Variants in HIBADH observed in about 807,000 individuals in gnomAD.
HIBADH encodes the protein 3-hydroxyisobutyrate dehydrogenase, mitochondrial.
In HIBADH, 25 loss-of-function variants were observed where a neutral mutation model predicts 36.1. The ratio of observed to expected loss-of-function variants is 0.69; its 90% CI spans 0.50 to 0.97. HIBADH has a LOEUF of 0.97. Among genes scored for constraint, HIBADH ranks in the 50% least tolerant of loss-of-function variants. The pLI, the probability that HIBADH is intolerant of heterozygous loss-of-function variation, is 0.00. For missense variants in HIBADH, 421 were observed against 418.0 expected (o/e 1.01, Z -0.06); for synonymous variants, 160 against 149.5 (o/e 1.07, Z -0.51).
At chr7:27,532,403 CTG>C (rs1784015199) in intron 6 of HIBADH, among the ~76,000 whole-genome samples, 1 of 152,180 alleles carries the variant, frequency 6.6e-6, no homozygotes, top group Non-Finnish European at 1.5e-5. Flanking sequence ...GTTAAACAAA[CTG>C]TGCATCTTGG....
intron 7 of HIBADH, among the ~76,000 whole-genome samples, chr7:27,526,899 G>A (rs1562609453): frequency 6.6e-6 from 1 of 152,078 alleles, no homozygotes; most frequent in African/African-American, 2.4e-5. Flanking sequence ...TGGTATAATT[G>A]GATAGGAGGA....
intron 4 of HIBADH, among the ~76,000 whole-genome samples, chr7:27,605,354 C>T (rs1785200369): frequency 6.6e-6 from 1 of 151,788 alleles, no homozygotes; most frequent in South Asian, 2.1e-4. Flanking sequence ...ACATGAACTG[C>T]CTAATGAATC....
chr7:27,526,321 G>A lies in HIBADH; in HGVS notation c.904C>T (p.Leu302Phe), dbSNP rs189054439. Reference sequence around the variant, plus strand: ...TAGATCTGATGGGCCAGACTGCCAAGAAGGATTGGGCTCTTTGTGCTGGTA... The same window carrying A: ...TAGATCTGATGGGCCAGACTGCCAAAAAGGATTGGGCTCTTTGTGCTGGTA... The part of the protein sequence containing the change: ...SATSTKSPIL[L>F]GSLAHQIYRM... Residue 302 changes from leucine to phenylalanine, a missense_variant, in exon 8 of 8, where the codon CTT becomes TTT. Transcript: ENST00000265395. The A allele has an allele frequency of 2.8e-5, 45 of 1,613,470 alleles. No homozygotes were observed. Among genetic ancestry groups the A allele is most frequent in the Non-Finnish European group, 3.6e-5 (43 of 1,179,800 alleles).
At chr7:27,536,412 GTATA>G (rs1784071254) in intron 6 of HIBADH, among the ~76,000 whole-genome samples, 1 of 152,076 alleles carries the variant, frequency 6.6e-6, no homozygotes, top group African/African-American at 2.4e-5. Context: ...ATATATATCA[GTATA>G]TATGTAGAGT....
At chr7:27,644,436 C>T (rs921924590) in intron 2 of HIBADH, among the ~76,000 whole-genome samples, 2 of 152,028 alleles carry the variant, frequency 1.3e-5, no homozygotes, top group African/African-American at 4.8e-5. Flanking sequence ...CCCATCTCTA[C>T]TAAAAATACA....
rs1419915203 is a variant in HIBADH, at chr7:27,572,863, A to AAT, written c.485-29764_485-29763insAT. On this transcript the variant is annotated intron_variant, in intron 4 of 7. Transcript: ENST00000265395. Reference sequence around the variant, plus strand: ...CAGACTATTACTGCATTATAAAATTAACTTTAATACACAAAATATTGTCAT... The same window carrying AAT: ...CAGACTATTACTGCATTATAAAATTAATACTTTAATACACAAAATATTGTCAT... Among the ~76,000 whole-genome samples, 38 of 152,358 alleles carry AAT rather than the reference A, an allele frequency of 2.5e-4. No individual in the cohort carries two copies. The East Asian group carries it at 6.9e-3, about 28-fold the overall frequency.
At chr7:27,625,994 C>T (rs1170972306) in intron 4 of HIBADH, among the ~76,000 whole-genome samples, 1 of 146,546 alleles carries the variant, frequency 6.8e-6, no homozygotes, top group Admixed American at 7.0e-5. Flanking sequence ...CTCAGCTACT[C>T]GGGAGGCTGA....
chr7:27,556,919 G>C (rs1405115004), intron 4 of HIBADH, among the ~76,000 whole-genome samples: 1 of 152,136 alleles, frequency 6.6e-6, no homozygotes, highest in Non-Finnish European at 1.5e-5. Context: ...GGATAGAAGA[G>C]GATAGAGCCT....
intron 4 of HIBADH, among the ~76,000 whole-genome samples, chr7:27,608,754 C>T (rs767653809): frequency 2.0e-5 from 3 of 152,140 alleles, no homozygotes; most frequent in African/African-American, 4.8e-5. Context: ...GATTTATTTG[C>T]TAAATTCACC....
intron 6 of HIBADH, among the ~76,000 whole-genome samples, chr7:27,536,867 A>G (rs1342354403): frequency 6.6e-6 from 1 of 152,214 alleles, no homozygotes; most frequent in African/African-American, 2.4e-5. Context: ...GTAGTACAGT[A>G]TAACCTAGGT....
At chr7:27,568,468 T>G (rs1784580026) in intron 4 of HIBADH, among the ~76,000 whole-genome samples, 1 of 152,062 alleles carries the variant, frequency 6.6e-6, no homozygotes. Flanking sequence ...AGCCTTTTAT[T>G]TTTTTGAGAC....
In HIBADH at chr7:27,641,091, C is replaced by T. The variant is rs547438189; in HGVS notation, c.252+8382G>A. ...GATGGAGAAAAGCAGACTCCAGAAGCAAAGAGAAAAGAAAAGAATCTGGCT... is the reference window on the plus strand; with the variant it reads ...GATGGAGAAAAGCAGACTCCAGAAGTAAAGAGAAAAGAAAAGAATCTGGCT... On this transcript the variant is annotated intron_variant, in intron 2 of 7. Transcript: ENST00000265395. 2.6e-5 allele frequency among the ~76,000 whole-genome samples: 4 copies of T among 152,176 alleles called. No homozygotes were observed. In the East Asian group the frequency reaches 7.7e-4, roughly 29 times the overall value.
In HIBADH at chr7:27,650,649, T is replaced by C. The variant is rs1786170505; in HGVS notation, c.92-1016A>G. On this transcript the variant is annotated intron_variant, in intron 1 of 7. Coordinates refer to ENST00000265395, the MANE Select transcript of HIBADH (RefSeq NM_152740.4). Reference sequence around the variant, plus strand: ...CTGGGATCACAGACACGCACCACCATGCCTGGCTAATTTTTGTCCTTTTAA... The same window carrying C: ...CTGGGATCACAGACACGCACCACCACGCCTGGCTAATTTTTGTCCTTTTAA... 2.0e-5 allele frequency among the ~76,000 whole-genome samples: 3 copies of C among 149,514 alleles called. No homozygotes were observed. The South Asian group carries it at 6.3e-4, about 32-fold the overall frequency.
intron 4 of HIBADH, among the ~76,000 whole-genome samples, chr7:27,613,514 G>C (rs1033645190): frequency 1.3e-5 from 2 of 151,746 alleles, no homozygotes; most frequent in African/African-American, 4.8e-5. Context: ...GTTCCCCCCA[G>C]GTTGTTGCTG....
In HIBADH at chr7:27,649,460, G is replaced by A; in HGVS notation, c.252+13C>T. On this transcript the variant is annotated intron_variant, in intron 2 of 7. Coordinates refer to ENST00000265395, the MANE Select transcript of HIBADH (RefSeq NM_152740.4). ...TCTCAAAATCTAAAACAAATCTAAA[G>A]AAAAGGTCTTACCTGTTCACCTGCA... The A allele has an allele frequency of 6.4e-7, 1 of 1,563,682 alleles. No homozygotes were observed. Among genetic ancestry groups the A allele is most frequent in the Non-Finnish European group, 8.7e-7 (1 of 1,154,546 alleles).
chr7:27,580,846 G>C (rs1784776937), intron 4 of HIBADH, among the ~76,000 whole-genome samples: 1 of 152,192 alleles, frequency 6.6e-6, no homozygotes, highest in Admixed American at 6.5e-5. Flanking sequence ...GAAGGTAAGA[G>C]AGGTGGAGAT....
At chr7:27,619,227 G>C (rs1785493644) in intron 4 of HIBADH, among the ~76,000 whole-genome samples, 1 of 152,176 alleles carries the variant, frequency 6.6e-6, no homozygotes, top group Non-Finnish European at 1.5e-5. Flanking sequence ...AAACCATGCA[G>C]TGACTATAAT....
In HIBADH at chr7:27,526,246, A is replaced by G; in HGVS notation, c.979T>C (p.Phe327Leu). The G allele has an allele frequency of 6.2e-7, 1 of 1,612,364 alleles. No homozygotes were observed. Among genetic ancestry groups the G allele is most frequent in the Non-Finnish European group, 8.5e-7 (1 of 1,179,328 alleles). ...GYSKKDFSSVFQFLREEETF is the reference protein window; with the variant it reads ...GYSKKDFSSVLQFLREEETF ...GTCTCCTCCTCTCGTAGGAACTGGA[A>G]CACGGATGAGAAGTCTTTCTTTGAG... Residue 327 changes from phenylalanine (F) to leucine (L), a missense_variant, in exon 8 of 8, where the codon TTC (phenylalanine) becomes CTC (leucine). Phe to Leu is a conservative substitution (Grantham distance 22, BLOSUM62 0). Transcript: ENST00000265395.
At chr7:27,549,903 T>C (rs1480783297) in intron 4 of HIBADH, among the ~76,000 whole-genome samples, 5 of 151,594 alleles carry the variant, frequency 3.3e-5, no homozygotes. Flanking sequence ...TTACTTAGCA[T>C]TTCTTTTCTT....
Sources: allele counts gnomAD v4.1 joint callset (sites outside exome capture counted in the v4.1 genomes callset), GRCh38; gene constraint gnomAD v4.1.1; transcripts MANE v1.5; gene names NCBI Gene and HGNC (gene_info 2026-07-23, HGNC 2026-07-21).